ST6GALNAC6: variants seen among roughly 807,000 people sequenced by gnomAD.
ST6GALNAC6 encodes the protein alpha-N-acetylgalactosaminide alpha-2,6-sialyltransferase 6.
In ST6GALNAC6, 19 loss-of-function variants were observed where a neutral mutation model predicts 34.3. The ratio of observed to expected loss-of-function variants is 0.55; its 90% CI spans 0.39 to 0.81. The LOEUF (loss-of-function observed/expected upper bound fraction) is 0.81, where lower values mean the gene tolerates loss of function less well. ST6GALNAC6 is among the 40% of genes least tolerant of loss of function. The pLI is 0.00. For missense variants in ST6GALNAC6, 377 were observed against 467.7 expected (o/e 0.81, Z 1.79); for synonymous variants, 185 against 182.1 (o/e 1.02, Z -0.13).
intron 2 of ST6GALNAC6, chr9:127,896,776 C>T: frequency 1.2e-6 from 1 of 821,876 alleles, no homozygotes; most frequent in Non-Finnish European, 1.5e-6. Flanking sequence ...CCTCCTATGG[C>T]CTCCTGACTC....
upstream of ST6GALNAC6, chr9:127,899,687 G>A (rs1017012341): frequency 1.0e-6 from 1 of 983,074 alleles, no homozygotes; most frequent in African/African-American, 1.8e-5. Context: ...TCGGGGCCGC[G>A]GGTGGCTCCG....
chr9:127,905,214 A>G, exon 1 of ST6GALNAC6: 1 of 985,524 alleles, frequency 1.0e-6, no homozygotes, highest in Non-Finnish European at 1.2e-6. Context: ...CACCTCAAGG[A>G]AGCTGCAGGA....
chr9:127,899,373 G>A (rs892248052), intron 1 of ST6GALNAC6, 130 bp downstream of exon 1: 2 of 478,578 alleles, frequency 4.2e-6, no homozygotes, highest in African/African-American at 4.2e-5. Flanking sequence ...AGGGGTCTAG[G>A]GGTGCCGCCG....
chr9:127,892,099 C>T (rs376800291), intron 4 of ST6GALNAC6, among the ~76,000 whole-genome samples: 22 of 152,194 alleles, frequency 1.4e-4, no homozygotes, highest in African/African-American at 5.1e-4. Flanking sequence ...TGCGGTGACC[C>T]GAGATCGAGC....
At chr9:127,901,600 G>A (rs977525905), upstream of ST6GALNAC6, among the ~76,000 whole-genome samples, 41 of 149,874 alleles carry the variant, frequency 2.7e-4, no homozygotes, top group Middle Eastern at 3.6e-3. Flanking sequence ...GGGCGACAGA[G>A]AGAGACTCCG....
chr9:127,886,425 C>T lies in ST6GALNAC6; in HGVS notation c.*174G>A, dbSNP rs1322509325. 1.4e-6 allele frequency: 2 copies of T among 1,439,222 alleles called. No homozygotes were observed. Among genetic ancestry groups the T allele is most frequent in the Non-Finnish European group, 1.8e-6 (2 of 1,098,652 alleles). The allele number at this position is 1,439,222 out of a possible 1,614,324, so 89.2% of individuals were successfully genotyped here. A position where few individuals can be genotyped will look rare whatever the true frequency, so the allele number is the denominator to read the frequency against. On this transcript the variant is annotated 3_prime_UTR_variant, in exon 7 of 7. Transcript: ENST00000373146. ...CGCATAGACTCCCAAATCCCTGATT[C>T]GCCAACAGATTCCCCAGGCCCTGAT...
chr9:127,894,457 G>A (rs987967341), intron 4 of ST6GALNAC6, 55 bp downstream of exon 4: 24 of 1,593,398 alleles, frequency 1.5e-5, no homozygotes, highest in Non-Finnish European at 1.9e-5. Flanking sequence ...AGAACAGGTG[G>A]AGGGAGTGGT....
At chr9:127,897,553 GC>G in intron 2 of ST6GALNAC6, 1 of 552,848 alleles carries the variant, frequency 1.8e-6, no homozygotes, top group Non-Finnish European at 2.3e-6. Context: ...TCCAGCGGCT[GC>G]CCCTCACTGC....
Position 127,894,507 on chromosome 9 carries a change from G to T in ST6GALNAC6, c.297+5C>A, listed in dbSNP as rs753066612. ...GGGAGGAGCTCCCCAAAGCAGCTGC[G>T]CTACCTTGTTGCCGAGAATGGGGAC... On this transcript the variant is annotated splice_donor_5th_base_variant and intron_variant, in intron 4 of 6. Transcript: ENST00000373146. The T allele has an allele frequency of 7.6e-5, 122 of 1,613,410 alleles. 1 individual carries two copies. Among genetic ancestry groups the T allele is most frequent in the Non-Finnish European group, 1.0e-4 (119 of 1,179,946 alleles).
intron 2 of ST6GALNAC6, 105 bp from the exon 3 acceptor site, chr9:127,896,437 C>CT: frequency 1.0e-6 from 1 of 970,100 alleles, no homozygotes; most frequent in Non-Finnish European, 1.5e-6. Flanking sequence ...GCACCCAGAA[C>CT]TTTAAGGCTC....
chr9:127,894,090 C>T (rs1335312726), intron 4 of ST6GALNAC6, among the ~76,000 whole-genome samples: 1 of 152,142 alleles, frequency 6.6e-6, no homozygotes, highest in East Asian at 1.9e-4. Context: ...GATAATAATG[C>T]TGCCCTCACA....
At chr9:127,894,891 C>G (rs1044701100) in intron 3 of ST6GALNAC6, among the ~76,000 whole-genome samples, 200 bp from the exon 4 acceptor site, 3 of 152,226 alleles carry the variant, frequency 2.0e-5, no homozygotes, top group African/African-American at 7.2e-5. Flanking sequence ...ACTCCCATCC[C>G]TCCAATTAGA....
rs1291313517 is a variant in ST6GALNAC6, at chr9:127,885,968, CT to C, written c.*630del. The C allele has an allele frequency of 6.6e-6, 1 of 152,660 alleles. No individual in the cohort carries two copies. Among genetic ancestry groups the C allele is most frequent in the African/African-American group, 2.4e-5 (1 of 41,400 alleles). The allele number at this position is 152,660 out of a possible 1,614,324, so 9.5% of individuals were successfully genotyped here. On this transcript the variant is annotated 3_prime_UTR_variant, in exon 7 of 7. Coordinates refer to ENST00000373146, the MANE Select transcript of ST6GALNAC6 (RefSeq NM_013443.5). ...CACTTGTAGGGGAGGTGGAAAGGGT[CT>C]CAGACTCCGCACTGGAAACTGGTGT...
chr9:127,887,119 C>G (rs532282480), intron 6 of ST6GALNAC6, among the ~76,000 whole-genome samples: 4 of 152,206 alleles, frequency 2.6e-5, no homozygotes, highest in African/African-American at 9.6e-5. Flanking sequence ...CTCAGTTTTT[C>G]TCATTTAATT....
chr9:127,893,730 G>A (rs1251042443), intron 4 of ST6GALNAC6, among the ~76,000 whole-genome samples: 1 of 152,208 alleles, frequency 6.6e-6, no homozygotes, highest in Admixed American at 6.5e-5. Flanking sequence ...GGTAGAGAAA[G>A]ACTCACTTAG....
upstream of ST6GALNAC6, chr9:127,904,051 A>G (rs1830848569): frequency 6.6e-6 from 1 of 152,214 alleles, no homozygotes; most frequent in Non-Finnish European, 1.5e-5. Flanking sequence ...GACAGCAACC[A>G]TCTCAATAAC....
chr9:127,886,378 A>C lies in ST6GALNAC6; in HGVS notation c.*221T>G. ...GACTGTGCGCAGACCCTGACTGCACAAGAAAGACACCCCTGATTAACCGCA... is the reference window on the plus strand; with the variant it reads ...GACTGTGCGCAGACCCTGACTGCACCAGAAAGACACCCCTGATTAACCGCA... On this transcript the variant is annotated 3_prime_UTR_variant, in exon 7 of 7. Transcript: ENST00000373146. 1 of 1,386,564 alleles carries C rather than the reference A, an allele frequency of 7.2e-7. No homozygotes were observed. Among genetic ancestry groups the C allele is most frequent in the Non-Finnish European group, 9.5e-7 (1 of 1,054,768 alleles). The allele number at this position is 1,386,564 out of a possible 1,614,324, so 85.9% of individuals were successfully genotyped here.
In ST6GALNAC6 at chr9:127,894,576, C is replaced by T. The variant is rs145007310; in HGVS notation, c.233G>A (p.Arg78His). 799 of 1,614,136 alleles carry T rather than the reference C, an allele frequency of 5.0e-4. 8 individuals are homozygous for T. The South Asian group carries it at 6.2e-3, about 13-fold the overall frequency. The change falls in exon 4 of 7, where the codon CGC becomes CAC. Residue 78 changes from arginine (R) to histidine (H), a missense_variant. Transcript: ENST00000373146. ...CCACTTCTTGAGGTTGACAGGTCGGCGGCTACGGCCCCGCAGGGAGCCGTA... is the reference window on the plus strand; with the variant it reads ...CCACTTCTTGAGGTTGACAGGTCGGTGGCTACGGCCCCGCAGGGAGCCGTA... The part of the protein sequence containing the change: ...FHYGSLRGRS[R>H]RPVNLKKWSI...
rs1182931413 is a variant in ST6GALNAC6, at chr9:127,890,804, C to T, written c.537G>A (p.Val179=). 11 of 1,613,230 alleles carry T rather than the reference C, an allele frequency of 6.8e-6. No homozygotes were observed. Among genetic ancestry groups the T allele is most frequent in the Non-Finnish European group, 8.5e-6 (10 of 1,179,202 alleles). Residue 179 remains valine, a synonymous_variant, in exon 5 of 7, where the codon GTG becomes GTA. Coordinates refer to ENST00000373146, the MANE Select transcript of ST6GALNAC6 (RefSeq NM_013443.5). The surrounding 1 kb of genome is among the most constrained non-coding windows in gnomAD (Gnocchi z 4.3). ...TGCTCGGGGGCCCCCAGAAGATGAA[C>T]ACGGTTTCAGGGGTCCGGTTGACAA... ...QEFVNRTPET[V]FIFWGPPSKM...
Sources: allele counts gnomAD v4.1 joint callset (sites outside exome capture counted in the v4.1 genomes callset), GRCh38; gene constraint gnomAD v4.1.1; non-coding constraint Gnocchi (gnomAD v3.1); transcripts MANE v1.5; gene names NCBI Gene and HGNC (gene_info 2026-07-23, HGNC 2026-07-21).